The following RBM19 variants were observed in gnomAD, a reference collection of about 807,000 sequenced individuals.
RBM19 encodes the protein probable RNA-binding protein 19.
A neutral mutation model predicts 116.8 loss-of-function variants in RBM19; 94 were observed. The observed-to-expected ratio is 0.80, with a 90% CI of 0.68 to 0.95. RBM19 has a LOEUF of 0.95. Ranked by LOEUF, RBM19 falls within the 40% of genes least tolerant of loss-of-function variation. The pLI is 0.00. For synonymous variants in RBM19, 475 were observed against 494.1 expected (o/e 0.96, Z 0.51); for missense variants, 1,161 against 1,220.7 (o/e 0.95, Z 0.73).
intron 10 of RBM19, 45 bp from the exon 11 acceptor site, chr12:113,947,509 T>A: frequency 6.4e-7 from 1 of 1,553,204 alleles, no homozygotes; most frequent in Non-Finnish European, 8.8e-7. Flanking sequence ...CGCAGCCACT[T>A]GGCCCCAGGG....
At chr12:113,828,099 C>CAAAAAAAA (rs34234377) in intron 23 of RBM19, among the ~76,000 whole-genome samples, 1 of 67,334 alleles carries the variant, frequency 1.5e-5, no homozygotes, top group Non-Finnish European at 2.9e-5. Flanking sequence ...GACTCTGTCT[C>CAAAAAAAA]AAAAAAAAAA....
At position 113,957,887 on chromosome 12, in the gene RBM19, C is replaced by T. The variant is rs1566043225; in HGVS notation, c.735G>A (p.Glu245=). The part of the protein sequence containing the change: ...HCDEGSEAEE[E]DSSATPVLQE... ...GCAGGACTGGGGTGGCGGAGGAATCCTCTTCCTCGGCCTCACTCCCTTCAT... is the reference window on the plus strand; with the variant it reads ...GCAGGACTGGGGTGGCGGAGGAATCTTCTTCCTCGGCCTCACTCCCTTCAT... Residue 245 remains glutamate (E), a synonymous_variant, in exon 6 of 24, where the codon GAG becomes GAA. Transcript: ENST00000261741. 1 of 1,614,160 alleles carries T rather than the reference C, an allele frequency of 6.2e-7. No homozygotes were observed.
chr12:113,948,784 G>A (rs376641085), intron 10 of RBM19, 49 bp downstream of exon 10: 57 of 1,586,334 alleles, frequency 3.6e-5, no homozygotes, highest in African/African-American at 3.2e-4. Context: ...GTGAGAGCCC[G>A]GCTCCCATAG....
intron 23 of RBM19, among the ~76,000 whole-genome samples, chr12:113,833,869 G>A (rs4766699): frequency 0.17 from 25,937 of 151,898 alleles, 2,383 homozygotes; most frequent in Admixed American, 0.28. Context: ...TCAGCCTCCC[G>A]AGTAGCTGGG....
chr12:113,904,805 T>C (rs1881936436), intron 21 of RBM19, among the ~76,000 whole-genome samples: 1 of 152,224 alleles, frequency 6.6e-6, no homozygotes, highest in Admixed American at 6.5e-5. Flanking sequence ...AGCGGGGCTG[T>C]GAGGGATGCA....
intron 1 of RBM19, 175 bp downstream of exon 1, chr12:113,966,017 T>C (rs1872837652): frequency 4.3e-6 from 3 of 690,870 alleles, no homozygotes; most frequent in South Asian, 3.6e-5. Context: ...ACTATTCCTC[T>C]TTCCTCGGGA....
At chr12:113,851,375 G>A (rs1006150137) in intron 22 of RBM19, among the ~76,000 whole-genome samples, 2 of 152,176 alleles carry the variant, frequency 1.3e-5, no homozygotes, top group Non-Finnish European at 1.5e-5. Context: ...AACATGAGAC[G>A]AGGAGACAAA....
At chr12:113,945,738 C>T (rs112209914) in intron 13 of RBM19, 90 bp downstream of exon 13, 14,114 of 1,138,522 alleles carry the variant, frequency 0.012, 153 homozygotes, top group South Asian at 0.037. Flanking sequence ...GCCCCAGCCT[C>T]ACAGCCAACA....
At chr12:113,931,535 G>A (rs946853739) in intron 16 of RBM19, among the ~76,000 whole-genome samples, 1 of 152,102 alleles carries the variant, frequency 6.6e-6, no homozygotes, top group Non-Finnish European at 1.5e-5. Flanking sequence ...CACCTCACCT[G>A]GACAACTGAA....
intron 22 of RBM19, 58 bp from the exon 23 acceptor site, chr12:113,844,846 C>T (rs1876820070): frequency 1.3e-6 from 2 of 1,510,604 alleles, no homozygotes; most frequent in South Asian, 2.6e-5. Flanking sequence ...GCAGACACTC[C>T]ACTCTGCCTG....
chr12:113,949,067 G>C (rs754659024), intron 9 of RBM19, 31 bp from the exon 10 acceptor site: 1 of 1,591,840 alleles, frequency 6.3e-7, no homozygotes. Context: ...GGCTCCAGGG[G>C]GAGGCCTAGA....
chr12:113,823,811 C>G (rs144384219), intron 23 of RBM19, among the ~76,000 whole-genome samples: 1 of 152,272 alleles, frequency 6.6e-6, no homozygotes, highest in East Asian at 1.9e-4. Flanking sequence ...CTGGACCAAG[C>G]AGTGGACAAC....
intron 21 of RBM19, among the ~76,000 whole-genome samples, chr12:113,865,099 G>C (rs1368185007): frequency 6.6e-6 from 1 of 152,184 alleles, no homozygotes; most frequent in African/African-American, 2.4e-5. Context: ...TGGGAATCAA[G>C]GCTGTGCCTG....
chr12:113,874,711 G>A (rs1327269337), intron 21 of RBM19, among the ~76,000 whole-genome samples: 1 of 152,232 alleles, frequency 6.6e-6, no homozygotes, highest in Non-Finnish European at 1.5e-5. Context: ...GGATAGGGAA[G>A]GCGGCTTCTG....
Position 113,823,333 on chromosome 12 carries a change from C to T in RBM19, c.2786-12G>A, listed in dbSNP as rs1334901266. The T allele has an allele frequency of 6.2e-7, 1 of 1,611,266 alleles. No individual in the cohort carries two copies. Among genetic ancestry groups the T allele is most frequent in the Non-Finnish European group, 8.5e-7 (1 of 1,179,272 alleles). ...TTTCTTCGGGGGCTCTGTGGGAGCC[C>T]AGATGGCAAGAGAGGAGAAAAGAAC... On this transcript the variant is annotated splice_polypyrimidine_tract_variant and intron_variant, in intron 23 of 23. Coordinates refer to ENST00000261741, the MANE Select transcript of RBM19 (RefSeq NM_016196.4).
chr12:113,946,205 C>T (rs770056970), intron 12 of RBM19, 149 bp downstream of exon 12: 13 of 1,092,826 alleles, frequency 1.2e-5, no homozygotes, highest in Non-Finnish European at 1.7e-5. Context: ...TACTATTATT[C>T]TCCCATTTTA....
At chr12:113,912,668 C>T (rs1047652980) in intron 21 of RBM19, among the ~76,000 whole-genome samples, 1 of 152,224 alleles carries the variant, frequency 6.6e-6, no homozygotes, top group Non-Finnish European at 1.5e-5. Flanking sequence ...AAGCTCAGAG[C>T]CCCGCACACA....
intron 21 of RBM19, among the ~76,000 whole-genome samples, chr12:113,878,331 G>A (rs117225457): frequency 5.3e-5 from 8 of 152,242 alleles, no homozygotes; most frequent in Non-Finnish European, 1.0e-4. Flanking sequence ...CTTACAGGGG[G>A]CACTTATTAG....
chr12:113,891,375 G>A (rs1373222127), intron 21 of RBM19, among the ~76,000 whole-genome samples: 1 of 152,220 alleles, frequency 6.6e-6, no homozygotes, highest in African/African-American at 2.4e-5. Flanking sequence ...GCCCCAGGGA[G>A]TACAAAGAGT....
Sources: allele counts gnomAD v4.1 joint callset (sites outside exome capture counted in the v4.1 genomes callset), GRCh38; gene constraint gnomAD v4.1.1; transcripts MANE v1.5; gene names NCBI Gene and HGNC (gene_info 2026-07-23, HGNC 2026-07-21).